Variants in PHACTR3 observed in about 807,000 individuals in gnomAD.
PHACTR3 encodes the protein protein phosphatase 1, regulatory subunit 123.
A neutral mutation model predicts 66.8 loss-of-function variants in PHACTR3; 16 were observed. The observed-to-expected ratio is 0.24, with a 90% CI of 0.16 to 0.36. PHACTR3 has a LOEUF of 0.36. PHACTR3 is among the 10% of genes least tolerant of loss of function. The pLI is 1.00. For missense variants in PHACTR3, 647 were observed against 719.9 expected (o/e 0.90, Z 1.16); for synonymous variants, 323 against 292.1 (o/e 1.11, Z -1.08).
At chr20:59,720,977 C>T (rs975566733) in intron 1 of PHACTR3, among the ~76,000 whole-genome samples, 5 of 152,040 alleles carry the variant, frequency 3.3e-5, no homozygotes, top group Non-Finnish European at 7.4e-5. Flanking sequence ...GACCGTGGTA[C>T]ACCACGGTGC....
intron 3 of PHACTR3, among the ~76,000 whole-genome samples, chr20:59,749,309 C>T (rs2039491081): frequency 6.6e-6 from 1 of 151,508 alleles, no homozygotes; most frequent in Admixed American, 6.6e-5. Flanking sequence ...CTAAAAAAAA[C>T]ACTACTTTTG....
chr20:59,748,803 T>A (rs2039467246), intron 3 of PHACTR3, among the ~76,000 whole-genome samples: 1 of 152,168 alleles, frequency 6.6e-6, no homozygotes, highest in South Asian at 2.1e-4. Context: ...ATTGAATTCC[T>A]CTCTCCCCAC....
chr20:59,730,965 A>C (rs1298950468), intron 1 of PHACTR3, among the ~76,000 whole-genome samples: 1 of 152,114 alleles, frequency 6.6e-6, no homozygotes, highest in Non-Finnish European at 1.5e-5. Context: ...CGCATTTTCA[A>C]AACACAAATC....
At chr20:59,591,042 GCAC>G (rs2033167546) in intron 1 of PHACTR3, among the ~76,000 whole-genome samples, 1 of 152,240 alleles carries the variant, frequency 6.6e-6, no homozygotes, top group Admixed American at 6.5e-5. Context: ...TCTGCAGCAT[GCAC>G]CACATTTTAA....
At chr20:59,609,636 CCT>C (rs1037879195) in intron 1 of PHACTR3, among the ~76,000 whole-genome samples, 2 of 152,196 alleles carry the variant, frequency 1.3e-5, no homozygotes, top group African/African-American at 4.8e-5. Context: ...TGCCTCAAAC[CCT>C]CTAATGCTGC....
chr20:59,840,382 G>A lies in PHACTR3; in HGVS notation c.1398G>A (p.Gln466=). 6.2e-7 allele frequency: 1 copy of A among 1,612,408 alleles called. No individual in the cohort carries two copies. Among genetic ancestry groups the A allele is most frequent in the Non-Finnish European group, 8.5e-7 (1 of 1,179,004 alleles). The change falls in exon 10 of 13, where the codon CAG becomes CAA. Residue 466 remains glutamine, a synonymous_variant. Coordinates refer to ENST00000371015, the MANE Select transcript of PHACTR3 (RefSeq NM_080672.5). The stretch of plus-strand genomic sequence containing the variant: ...AATCTTTCACAGAAAGGAATGATCA[G>A]ACAGAGCAGGAAGAAAGAAGAGAAA... ...RRNILKQRND[Q]TEQEERREIK...
chr20:59,840,221 A>G lies in PHACTR3; in HGVS notation c.1385-148A>G, dbSNP rs1191348791. On this transcript the variant is annotated intron_variant, in intron 9 of 12. Transcript: ENST00000371015. ...ATGATCTCCTGAGCAGTGACTGACA[A>G]AGTGGGAAGAAAACACCATGAGTGA... The G allele has an allele frequency of 3.1e-6, 4 of 1,300,176 alleles. No homozygotes were observed. The Admixed American group carries it at 8.6e-5, about 28-fold the overall frequency. The allele number at this position is 1,300,176 out of a possible 1,614,324, so 80.5% of individuals were successfully genotyped here. A position where few individuals can be genotyped will look rare whatever the true frequency, so the allele number is the denominator to read the frequency against.
intron 1 of PHACTR3, among the ~76,000 whole-genome samples, chr20:59,639,371 C>A (rs115803854): frequency 6.7e-6 from 1 of 149,978 alleles, no homozygotes. Flanking sequence ...CCTGTCTGTT[C>A]TTTTCTCTTG....
rs1223877031 is a variant in PHACTR3 at position 59,829,760 on chromosome 20, G to C, written c.1329-6745G>C. 2.6e-5 allele frequency among the ~76,000 whole-genome samples: 4 copies of C among 152,272 alleles called. No homozygotes were observed. Among genetic ancestry groups the C allele is most frequent in the African/African-American group, 4.8e-5 (2 of 41,476 alleles). On this transcript the variant is annotated intron_variant, in intron 8 of 12. Coordinates refer to ENST00000371015, the MANE Select transcript of PHACTR3 (RefSeq NM_080672.5). The surrounding 1 kb of genome is among the most constrained non-coding windows in gnomAD (Gnocchi z 4.2). ...TCGAGCTGTCTGTTCTCTCTAGGAA[G>C]GCATTCTGCCTTGTATGGAAGGAAT...
intron 1 of PHACTR3, among the ~76,000 whole-genome samples, chr20:59,680,449 G>C (rs773252917): frequency 6.6e-6 from 1 of 152,094 alleles, no homozygotes; most frequent in African/African-American, 2.4e-5. Context: ...GGTGGTGGCA[G>C]ACTGGGCAAG....
At chr20:59,613,336 T>G (rs2146348731) in intron 1 of PHACTR3, among the ~76,000 whole-genome samples, 1 of 152,350 alleles carries the variant, frequency 6.6e-6, no homozygotes, top group East Asian at 1.9e-4. Context: ...GGTTGCAACA[T>G]GGTTGCTTCA....
intron 7 of PHACTR3, among the ~76,000 whole-genome samples, chr20:59,778,514 A>G (rs896380854): frequency 1.4e-4 from 22 of 152,290 alleles, no homozygotes; most frequent in Non-Finnish European, 5.9e-5. Context: ...GTGTGGCAAC[A>G]CTTGGCCCCT....
intron 1 of PHACTR3, among the ~76,000 whole-genome samples, chr20:59,647,824 A>T (rs920274505): frequency 1.3e-5 from 2 of 152,206 alleles, no homozygotes; most frequent in Admixed American, 1.3e-4. Flanking sequence ...GTGAATCTCA[A>T]TGAGGTGCTT....
At chr20:59,804,046 C>G (rs1157567703) in intron 7 of PHACTR3, among the ~76,000 whole-genome samples, 1 of 152,170 alleles carries the variant, frequency 6.6e-6, no homozygotes, top group Admixed American at 6.5e-5. Context: ...AAGGGTCACT[C>G]AAATCCATGA....
At chr20:59,633,890 AG>A (rs897947314) in intron 1 of PHACTR3, among the ~76,000 whole-genome samples, 1 of 152,224 alleles carries the variant, frequency 6.6e-6, no homozygotes, top group African/African-American at 2.4e-5. Context: ...GTTCTTACAA[AG>A]CCAAAGACTT....
At chr20:59,629,345 C>T (rs994115815) in intron 1 of PHACTR3, among the ~76,000 whole-genome samples, 1 of 152,224 alleles carries the variant, frequency 6.6e-6, no homozygotes, top group Non-Finnish European at 1.5e-5. Flanking sequence ...GCCCTGGCTG[C>T]CTGAGAAGGC....
intron 1 of PHACTR3, among the ~76,000 whole-genome samples, chr20:59,624,591 C>A (rs748512755): frequency 6.6e-6 from 1 of 152,158 alleles, no homozygotes; most frequent in Non-Finnish European, 1.5e-5. Context: ...CACCTCCTGG[C>A]AGCCGGGTGT....
chr20:59,818,731 C>T (rs985647403), intron 8 of PHACTR3, among the ~76,000 whole-genome samples: 6 of 152,196 alleles, frequency 3.9e-5, no homozygotes, highest in African/African-American at 1.2e-4. Context: ...ATTCCCTTTG[C>T]TTCACCAACT....
At chr20:59,649,197 A>C (rs924142639) in intron 1 of PHACTR3, among the ~76,000 whole-genome samples, 2 of 152,232 alleles carry the variant, frequency 1.3e-5, no homozygotes, top group Non-Finnish European at 2.9e-5. Context: ...ATTGAAAAGC[A>C]AATAGCAAAT....
Sources: allele counts gnomAD v4.1 joint callset (sites outside exome capture counted in the v4.1 genomes callset), GRCh38; gene constraint gnomAD v4.1.1; non-coding constraint Gnocchi (gnomAD v3.1); transcripts MANE v1.5; gene names NCBI Gene and HGNC (gene_info 2026-07-23, HGNC 2026-07-21).